Variants in HERC3 observed in about 807,000 individuals in gnomAD.
The protein encoded by HERC3 is HECT and RLD domain containing E3 ubiquitin protein ligase 3.
A neutral mutation model predicts 129.9 loss-of-function variants in HERC3; 58 were observed. The observed-to-expected ratio is 0.45, with a 90% confidence interval of 0.36 to 0.56. The LOEUF is 0.56. HERC3 is among the 20% of genes least tolerant of loss of function. The pLI is 0.00. For synonymous variants in HERC3, 430 were observed against 451.0 expected, an observed-to-expected ratio of 0.95 and a Z score of 0.59; for missense variants, 835 against 1,244.2, an observed-to-expected ratio of 0.67 and a Z score of 4.95.
rs558439403 is a variant in HERC3, at chr4:88,654,054, C to T, written c.698C>T (p.Pro233Leu). The T allele has an allele frequency of 6.2e-7, 1 of 1,610,152 alleles. No homozygotes were observed. Among genetic ancestry groups the T allele is most frequent in the South Asian group, 1.1e-5 (1 of 90,938 alleles). ...GLSDEKDRES[P>L]CHVKLLRTQK... ...TAATTTATTCTAGATCGAGAATCTC[C>T]ATGCCATGTAAAACTCTTACGCACG... The change falls in exon 7 of 26, where the codon CCA becomes CTA. Residue 233 changes from proline (P) to leucine (L), a missense_variant. Physicochemically the swap from Pro to Leu is moderately conservative, Grantham distance 98. Transcript: ENST00000402738.
At chr4:88,704,053 T>G (rs1235539289) in intron 23 of HERC3, 45 bp from the exon 24 acceptor site, 1 of 1,560,198 alleles carries the variant, frequency 6.4e-7, no homozygotes, top group Non-Finnish European at 8.8e-7. Flanking sequence ...TTCATAAGCT[T>G]TACAAGACTT....
the HERC3 span, among the ~76,000 whole-genome samples, chr4:88,564,103 G>T: frequency 6.6e-6 from 1 of 152,170 alleles, no homozygotes; most frequent in South Asian, 2.1e-4. Context: ...ATTGATTTGT[G>T]TATGTAGAAC....
chr4:88,678,661 G>T lies in HERC3; in HGVS notation c.2196+527G>T, dbSNP rs74511064. ...TAGCATAATGTTTGGTACACAGTAG[G>T]TATTCCAGAAATACTTAGTGAATTA... On this transcript the variant is annotated intron_variant, in intron 19 of 25. Transcript: ENST00000402738. 6.1e-3 allele frequency among the ~76,000 whole-genome samples: 922 copies of T among 152,258 alleles called. 8 individuals are homozygous for T. Among genetic ancestry groups the T allele is most frequent in the Middle Eastern group, 0.024 (7 of 294 alleles).
intron 3 of HERC3, among the ~76,000 whole-genome samples, chr4:88,644,400 A>G (rs965186479): frequency 6.6e-6 from 1 of 152,200 alleles, no homozygotes; most frequent in African/African-American, 2.4e-5. Flanking sequence ...TAGTTCATCC[A>G]TTATACAGTG....
At chr4:88,581,675 C>G in the HERC3 span, among the ~76,000 whole-genome samples, 3,005 of 152,202 alleles carry the variant, frequency 0.02, 94 homozygotes, top group African/African-American at 0.068. Flanking sequence ...TGGTCTTGAA[C>G]TCCTGGGCCC....
intron 3 of HERC3, among the ~76,000 whole-genome samples, chr4:88,634,511 G>A (rs1035451077): frequency 1.3e-5 from 2 of 152,196 alleles, no homozygotes; most frequent in Admixed American, 6.5e-5. Context: ...CCCCTAGGGG[G>A]AGGGATGGCC....
chr4:88,683,922 C>T (rs556153622), intron 21 of HERC3, among the ~76,000 whole-genome samples: 2 of 152,142 alleles, frequency 1.3e-5, no homozygotes, highest in African/African-American at 4.8e-5. Context: ...TTCTTTAGTT[C>T]ATTAGCTGTC....
intron 3 of HERC3, among the ~76,000 whole-genome samples, chr4:88,611,637 A>G (rs1054121188): frequency 6.6e-6 from 1 of 152,224 alleles, no homozygotes; most frequent in Non-Finnish European, 1.5e-5. Flanking sequence ...AAGTGAGTTG[A>G]AGGAGTTAAT....
chr4:88,693,645 CAATA>C (rs1202169225), intron 23 of HERC3: 1 of 980,934 alleles, frequency 1.0e-6, no homozygotes, highest in Non-Finnish European at 1.2e-6. Context: ...AATTTCACCT[CAATA>C]AAGTGTGTAC....
chr4:88,599,107 C>A (rs376929157), intron 2 of HERC3, among the ~76,000 whole-genome samples: 1 of 152,156 alleles, frequency 6.6e-6, no homozygotes, highest in Non-Finnish European at 1.5e-5. Context: ...CCCAGCGATG[C>A]AGACCGTTGC....
At chr4:88,700,160 T>A (rs2149346132) in intron 23 of HERC3, among the ~76,000 whole-genome samples, 1 of 152,114 alleles carries the variant, frequency 6.6e-6, no homozygotes, top group East Asian at 1.9e-4. Flanking sequence ...AAATTTATTT[T>A]TTATTATTTT....
At chr4:88,532,852 A>T in the HERC3 span, among the ~76,000 whole-genome samples, 1 of 152,340 alleles carries the variant, frequency 6.6e-6, no homozygotes, top group Middle Eastern at 3.4e-3. Context: ...CTTGAGGAAG[A>T]GGCAAGATAA....
chr4:88,693,554 AGGT>A (rs1734287566), intron 23 of HERC3: 1 of 950,970 alleles, frequency 1.1e-6, no homozygotes, highest in Non-Finnish European at 1.3e-6. Flanking sequence ...ATTAACTAGA[AGGT>A]GGTGGTTGCA....
chr4:88,671,784 A>G (rs1399386129), intron 16 of HERC3, among the ~76,000 whole-genome samples: 2 of 152,140 alleles, frequency 1.3e-5, no homozygotes, highest in East Asian at 3.9e-4. Context: ...TCGGCCTCCC[A>G]AAGTGCTGGG....
chr4:88,628,673 A>G (rs114352280), intron 3 of HERC3, among the ~76,000 whole-genome samples: 1,894 of 152,296 alleles, frequency 0.012, 43 homozygotes, highest in African/African-American at 0.042. Context: ...GGGATTAACT[A>G]TCTTTAGCAA....
At chr4:88,704,423 C>A in intron 24 of HERC3, 85 bp from the exon 25 acceptor site, 1 of 1,215,766 alleles carries the variant, frequency 8.2e-7, no homozygotes, top group Non-Finnish European at 1.2e-6. Context: ...GCACTTATTT[C>A]TTAGCCTCAA....
chr4:88,558,086 A>AG, the HERC3 span, among the ~76,000 whole-genome samples: 5 of 150,872 alleles, frequency 3.3e-5, 1 homozygote, highest in Non-Finnish European at 7.4e-5. Flanking sequence ...AAAAAAAAAA[A>AG]AAAAAAAAAG....
In HERC3 at chr4:88,706,863, A is replaced by G. The variant is rs761190654; in HGVS notation, c.3056A>G (p.Tyr1019Cys). 16 of 1,613,936 alleles carry G rather than the reference A, an allele frequency of 9.9e-6. No individual in the cohort carries two copies. Among genetic ancestry groups the G allele is most frequent in the Non-Finnish European group, 1.4e-5 (16 of 1,180,016 alleles). ...TACTTGCCGGTGGCCCACACTTGCT[A>G]CAACCTTCTTGACCTCCCCAAGTAC... Reference protein sequence around the residue: ...EEYLPVAHTCYNLLDLPKYSS... With the variant: ...EEYLPVAHTCCNLLDLPKYSS... The change falls in exon 26 of 26, where the codon TAC (tyrosine) becomes TGC (cysteine). Residue 1019 changes from tyrosine (Y) to cysteine (C), a missense_variant. Tyr to Cys is a radical substitution (Grantham distance 194). Transcript: ENST00000402738.
At chr4:88,529,626 C>T in the HERC3 span, among the ~76,000 whole-genome samples, 6 of 151,752 alleles carry the variant, frequency 4.0e-5, no homozygotes, top group Non-Finnish European at 5.9e-5. Context: ...TGGTGGCAGG[C>T]GCCAGTAATC....
Sources: allele counts gnomAD v4.1 joint callset (sites outside exome capture counted in the v4.1 genomes callset), GRCh38; gene constraint gnomAD v4.1.1; transcripts MANE v1.5; gene names NCBI Gene and HGNC (gene_info 2026-07-23, HGNC 2026-07-21).